Variants in ALKBH8 observed in about 807,000 individuals in gnomAD.
ALKBH8 encodes alkB homolog 8, tRNA methyltransferase.
A neutral mutation model predicts 59.8 loss-of-function variants in ALKBH8; 36 were observed. That is an observed-to-expected ratio of 0.60 (90% CI 0.46 to 0.79). The LOEUF (loss-of-function observed/expected upper bound fraction) is 0.79, where lower values mean the gene tolerates loss of function less well. ALKBH8 is among the 30% of genes least tolerant of loss of function. The pLI is 0.00. For synonymous variants in ALKBH8, 276 were observed against 273.6 expected (o/e 1.01, Z -0.09); for missense variants, 768 against 801.0 (o/e 0.96, Z 0.50).
At chr11:107,529,457 G>A (rs766041102) in intron 8 of ALKBH8, among the ~76,000 whole-genome samples, 1 of 151,798 alleles carries the variant, frequency 6.6e-6, no homozygotes, top group Admixed American at 6.6e-5. Flanking sequence ...AGTGCTCTGT[G>A]CCATTTTTCT....
rs756590462 is a variant in ALKBH8, at chr11:107,505,058, T to C, written c.1595A>G (p.Asn532Ser). The C allele has an allele frequency of 6.4e-7, 1 of 1,551,654 alleles. No homozygotes were observed. The highest frequency in any genetic ancestry group is 8.7e-7 in the Non-Finnish European group (1 of 1,146,968). ...RNSQGKKEEMNSDTSVQRSLV... is the reference protein window; with the variant it reads ...RNSQGKKEEMSSDTSVQRSLV... The stretch of plus-strand genomic sequence containing the variant: ...TGACCTCTGCACTGAGGTATCACTG[T>C]TCATCTCCTCTTTCTTTCCTTGGCT... Residue 532 changes from asparagine (N) to serine (S), a missense_variant, in exon 12 of 12, where the codon AAC (asparagine) becomes AGC (serine). Transcript: ENST00000428149.
intron 2 of ALKBH8, among the ~76,000 whole-genome samples, chr11:107,559,391 C>A (rs1170557092): frequency 6.6e-6 from 1 of 152,082 alleles, no homozygotes; most frequent in East Asian, 1.9e-4. Context: ...AAAAGAAAGC[C>A]TAAATAAAAT....
At chr11:107,556,289 A>AAT (rs1565348533) in intron 3 of ALKBH8, among the ~76,000 whole-genome samples, 3,458 of 152,130 alleles carry the variant, frequency 0.023, 147 homozygotes, top group African/African-American at 0.079. Context: ...AAAAAGCAAA[A>AAT]AAATAAATAA....
In ALKBH8 at chr11:107,504,228, A is replaced by G. The variant is rs779009780; in HGVS notation, c.*430T>C. On this transcript the variant is annotated 3_prime_UTR_variant, in exon 12 of 12. Transcript: ENST00000428149. The stretch of plus-strand genomic sequence containing the variant: ...GAATGGTTATTGTCTATGATTTTAC[A>G]GAGCTAAAAATCATAGGTAAAACTT... The G allele has an allele frequency of 7.3e-6, 3 of 410,198 alleles. No individual in the cohort carries two copies. The highest frequency in any genetic ancestry group is 8.5e-6 in the Non-Finnish European group (2 of 234,126). The allele number at this position is 410,198 out of a possible 1,614,324, so 25.4% of individuals were successfully genotyped here.
chr11:107,529,180 C>G (rs1404861179), intron 8 of ALKBH8, among the ~76,000 whole-genome samples: 4 of 152,152 alleles, frequency 2.6e-5, no homozygotes, highest in African/African-American at 9.7e-5. Flanking sequence ...TGTTTATGCT[C>G]CAATTTCCTT....
intron 7 of ALKBH8, among the ~76,000 whole-genome samples, chr11:107,549,424 CTA>C (rs924014166): frequency 6.6e-6 from 1 of 152,142 alleles, no homozygotes; most frequent in African/African-American, 2.4e-5. Flanking sequence ...CATGAAGCTA[CTA>C]TCTTTTGCCA....
chr11:107,538,355 TTAAC>T (rs1334580201), intron 7 of ALKBH8, among the ~76,000 whole-genome samples: 1 of 152,170 alleles, frequency 6.6e-6, no homozygotes, highest in South Asian at 2.1e-4. Context: ...TATCTGTACT[TTAAC>T]TAAATGCTTG....
At chr11:107,539,912 C>T (rs1863970177) in intron 7 of ALKBH8, among the ~76,000 whole-genome samples, 1 of 152,154 alleles carries the variant, frequency 6.6e-6, no homozygotes, top group Non-Finnish European at 1.5e-5. Flanking sequence ...AAGCCAGCGG[C>T]AATTTCATAA....
intron 2 of ALKBH8, among the ~76,000 whole-genome samples, chr11:107,559,009 G>A (rs1184982774): frequency 3.3e-5 from 5 of 152,180 alleles, no homozygotes; most frequent in Admixed American, 6.5e-5. Context: ...GACCCACTGG[G>A]AAATAATTGA....
Position 107,556,991 on chromosome 11 carries a change from C to G in ALKBH8, c.142G>C (p.Ala48Pro). ...VSYATQSLVV[A>P]NGGLGNGVSR... is the part of the protein sequence containing the mutation. The stretch of plus-strand genomic sequence containing the variant: ...ACACCATTACCCAAACCACCATTGG[C>G]AACAACCAGGCTCTTAAAAAACAAA... Residue 48 changes from alanine to proline, a missense_variant, in exon 3 of 12, where the codon GCC becomes CCC. Coordinates refer to ENST00000428149, the MANE Select transcript of ALKBH8 (RefSeq NM_138775.3). The G allele has an allele frequency of 6.3e-7, 1 of 1,579,516 alleles. No homozygotes were observed. The highest frequency in any genetic ancestry group is 8.6e-7 in the Non-Finnish European group (1 of 1,163,652).
At chr11:107,531,368 A>C (rs888759261) in intron 8 of ALKBH8, among the ~76,000 whole-genome samples, 14 of 152,228 alleles carry the variant, frequency 9.2e-5, no homozygotes, top group Non-Finnish European at 1.5e-4. Flanking sequence ...TATCCCTAGC[A>C]GAAGCACATA....
intron 7 of ALKBH8, among the ~76,000 whole-genome samples, chr11:107,547,889 G>A (rs1457978389): frequency 1.3e-5 from 2 of 152,140 alleles, no homozygotes; most frequent in African/African-American, 4.8e-5. Context: ...GAATGCAGCA[G>A]ATTTTCAGTT....
chr11:107,551,491 T>A (rs1430548089), intron 6 of ALKBH8, among the ~76,000 whole-genome samples: 4 of 152,006 alleles, frequency 2.6e-5, no homozygotes, highest in African/African-American at 9.6e-5. Context: ...GTCAGGAGTT[T>A]GAGACTAGCC....
At chr11:107,529,260 G>A (rs983505248) in intron 8 of ALKBH8, among the ~76,000 whole-genome samples, 3 of 152,150 alleles carry the variant, frequency 2.0e-5, no homozygotes, top group African/African-American at 4.8e-5. Flanking sequence ...GTTAATATAT[G>A]TAAAGTTTTT....
chr11:107,553,253 C>CCTTT, intron 4 of ALKBH8, 50 bp from the exon 5 acceptor site: 1 of 1,248,320 alleles, frequency 8.0e-7, no homozygotes, highest in Non-Finnish European at 1.1e-6. Flanking sequence ...GAATTACATT[C>CCTTT]CTTTGCATAT....
At chr11:107,511,530 A>G (rs945146162) in intron 10 of ALKBH8, among the ~76,000 whole-genome samples, 2 of 152,100 alleles carry the variant, frequency 1.3e-5, no homozygotes, top group Non-Finnish European at 2.9e-5. Context: ...ACTTTTCAAC[A>G]TGGATTACTT....
chr11:107,557,283 A>G (rs1864758375), intron 2 of ALKBH8, among the ~76,000 whole-genome samples: 1 of 152,242 alleles, frequency 6.6e-6, no homozygotes, highest in Admixed American at 6.5e-5. Flanking sequence ...AAATTAAAAC[A>G]TGACTATTAT....
intron 1 of ALKBH8, chr11:107,565,167 G>A (rs2135606763): frequency 5.5e-6 from 1 of 180,302 alleles, no homozygotes; most frequent in Non-Finnish European, 1.2e-5. Flanking sequence ...GCTACCAGAG[G>A]TCCAGGAGTC....
intron 8 of ALKBH8, among the ~76,000 whole-genome samples, chr11:107,530,089 G>T (rs1261912628): frequency 6.6e-6 from 1 of 152,048 alleles, no homozygotes; most frequent in African/African-American, 2.4e-5. Context: ...AAATTTTTAT[G>T]TGAAAACTCC....
Sources: allele counts gnomAD v4.1 joint callset (sites outside exome capture counted in the v4.1 genomes callset), GRCh38; gene constraint gnomAD v4.1.1; transcripts MANE v1.5; gene names NCBI Gene and HGNC (gene_info 2026-07-23, HGNC 2026-07-21).